The following CD8B variants were observed in gnomAD, a reference collection of about 807,000 sequenced individuals.
The protein encoded by CD8B is T-cell surface glycoprotein CD8 beta chain.
Under a neutral mutation model 24.2 loss-of-function variants are expected in CD8B, and 6 were observed. The ratio of observed to expected loss-of-function variants is 0.25; its 90% CI spans 0.14 to 0.49. The LOEUF (loss-of-function observed/expected upper bound fraction) is 0.49, where lower values mean the gene tolerates loss of function less well. CD8B is among the 20% of genes least tolerant of loss of function. The probability of loss-of-function intolerance (pLI) is 0.98; values close to 1 mark genes in which losing one functional copy is unlikely to be tolerated. For synonymous variants in CD8B, 84 were observed against 108.3 expected (o/e 0.78, Z 1.39); for missense variants, 196 against 271.3 (o/e 0.72, Z 1.95).
intron 2 of CD8B, among the ~76,000 whole-genome samples, chr2:86,855,731 G>T (rs562120794): frequency 6.6e-6 from 1 of 152,320 alleles, no homozygotes; most frequent in South Asian, 2.1e-4. Flanking sequence ...CATGGCCCTA[G>T]AAGTAGTTCT....
chr2:86,819,203 C>T (rs554808800), intron 5 of CD8B, among the ~76,000 whole-genome samples: 30 of 152,284 alleles, frequency 2.0e-4, no homozygotes, highest in African/African-American at 7.0e-4. Flanking sequence ...GAAGCAGGTG[C>T]TAATATAGAA....
intron 3 of CD8B, among the ~76,000 whole-genome samples, chr2:86,848,144 G>T (rs959133387): frequency 6.6e-6 from 1 of 152,102 alleles, no homozygotes; most frequent in African/African-American, 2.4e-5. Flanking sequence ...TACTGAGAAC[G>T]GGAACTACTA....
chr2:86,850,811 C>T (rs145698240), intron 3 of CD8B, among the ~76,000 whole-genome samples: 2 of 152,264 alleles, frequency 1.3e-5, no homozygotes, highest in East Asian at 3.9e-4. Context: ...ATGCAAGAGG[C>T]CAGGCGTAGT....
At chr2:86,848,708 A>ATTTATTTAT (rs1675815401) in intron 3 of CD8B, among the ~76,000 whole-genome samples, 1 of 78,876 alleles carries the variant, frequency 1.3e-5, no homozygotes, top group Non-Finnish European at 2.3e-5. Flanking sequence ...TAAATTATTT[A>ATTTATTTAT]TTTATTTATT....
At chr2:86,855,872 T>C (rs1297363930) in intron 2 of CD8B, among the ~76,000 whole-genome samples, 1 of 152,198 alleles carries the variant, frequency 6.6e-6, no homozygotes, top group African/African-American at 2.4e-5. Flanking sequence ...AGTGGGAGAC[T>C]CAGGTTGGGG....
At chr2:86,822,472 C>G in intron 5 of CD8B, 1 of 716,326 alleles carries the variant, frequency 1.4e-6, no homozygotes, top group Non-Finnish European at 2.4e-6. Context: ...ATAATGCATT[C>G]AATATAATTT....
At chr2:86,834,766 C>G (rs1318935993), downstream of CD8B, among the ~76,000 whole-genome samples, 1 of 152,016 alleles carries the variant, frequency 6.6e-6, no homozygotes, top group African/African-American at 2.4e-5. Context: ...GAAACCCCGT[C>G]TCTACTAAAA....
At position 86,858,106 on chromosome 2, in the gene CD8B, G is replaced by T. The variant is rs1473844682; in HGVS notation, c.354C>A (p.Ile118=). ...CGAAGGTCAGCTCGGGGCTCCCGAC[G>T]ATCATGCAGAAGTAGATGCCACTGT... ...PEDSGIYFCM[I]VGSPELTFGK... The change falls in exon 2 of 6, where the codon ATC becomes ATA. Residue 118 remains isoleucine, a synonymous_variant. Transcript: ENST00000390655. 6.2e-7 allele frequency: 1 copy of T among 1,613,852 alleles called. No homozygotes were observed. The highest frequency in any genetic ancestry group is 8.5e-7 in the Non-Finnish European group (1 of 1,179,858).
chr2:86,848,812 G>A (rs1284470034), intron 3 of CD8B, among the ~76,000 whole-genome samples: 2 of 151,500 alleles, frequency 1.3e-5, no homozygotes, highest in Non-Finnish European at 2.9e-5. Flanking sequence ...TGCCTCCTGG[G>A]TTCAAGCGAT....
chr2:86,852,839 C>T (rs1676041566), intron 3 of CD8B, among the ~76,000 whole-genome samples, 158 bp downstream of exon 3: 1 of 151,420 alleles, frequency 6.6e-6, no homozygotes, highest in Admixed American at 6.6e-5. Flanking sequence ...CTGTGAGTTG[C>T]TGGCACACTC....
chr2:86,840,709 T>C lies in CD8B; in HGVS notation c.*1598A>G, dbSNP rs1162740507. On this transcript the variant is annotated 3_prime_UTR_variant, in exon 6 of 6. Coordinates refer to ENST00000390655, the MANE Select transcript of CD8B (RefSeq NM_004931.5). The stretch of plus-strand genomic sequence containing the variant: ...TGCTGCTTTTATTCCTTTATTACTT[T>C]GTATGTTTTGTTCAGTTCTTTGTTC... Among the ~76,000 whole-genome samples the C allele has an allele frequency of 2.0e-5, 3 of 152,214 alleles. No individual in the cohort carries two copies. Among genetic ancestry groups the C allele is most frequent in the African/African-American group, 2.4e-5 (1 of 41,442 alleles).
chr2:86,829,366 A>G (rs1674820233), intron 5 of CD8B, among the ~76,000 whole-genome samples: 1 of 151,918 alleles, frequency 6.6e-6, no homozygotes, highest in Non-Finnish European at 1.5e-5. Context: ...CAGCCTCTCA[A>G]AGTGCTGGAA....
At chr2:86,829,095 C>CTTTTTTTCTT (rs1674805112) in intron 5 of CD8B, among the ~76,000 whole-genome samples, 1 of 82,992 alleles carries the variant, frequency 1.2e-5, no homozygotes. Context: ...ATGCTCTTTA[C>CTTTTTTTCTT]TTTTTTTTTT....
chr2:86,829,778 T>G (rs963435083), intron 5 of CD8B, among the ~76,000 whole-genome samples: 4 of 152,214 alleles, frequency 2.6e-5, no homozygotes, highest in African/African-American at 9.6e-5. Context: ...CTGCCTTCTT[T>G]TACCTGCAAC....
chr2:86,853,768 C>T (rs1474662624), intron 2 of CD8B, among the ~76,000 whole-genome samples: 10 of 152,056 alleles, frequency 6.6e-5, no homozygotes, highest in Admixed American at 2.0e-4. Context: ...GGCAGTGGCA[C>T]GATCTCGGCT....
chr2:86,842,438 G>A (rs1359740486), intron 5 of CD8B, 119 bp from the exon 6 acceptor site: 11 of 1,360,194 alleles, frequency 8.1e-6, no homozygotes, highest in African/African-American at 1.5e-5. Context: ...GCCTGGGGCC[G>A]AGAGTTTTTT....
intron 2 of CD8B, among the ~76,000 whole-genome samples, chr2:86,856,336 G>A (rs1374666490): frequency 6.6e-6 from 1 of 152,142 alleles, no homozygotes; most frequent in Non-Finnish European, 1.5e-5. Flanking sequence ...GTGGAAAGGT[G>A]TGGGGCTTAC....
intron 3 of CD8B, among the ~76,000 whole-genome samples, chr2:86,852,165 C>T (rs189768722): frequency 2.2e-3 from 341 of 152,200 alleles, no homozygotes; most frequent in African/African-American, 7.8e-3. Flanking sequence ...AGAGTTTCAC[C>T]GTGTTGCCCA....
intron 5 of CD8B, among the ~76,000 whole-genome samples, chr2:86,825,211 G>A (rs1674629477): frequency 6.6e-6 from 1 of 152,148 alleles, no homozygotes; most frequent in South Asian, 2.1e-4. Context: ...GTGCTGCTGG[G>A]GTTGGAGAGG....
Sources: allele counts gnomAD v4.1 joint callset (sites outside exome capture counted in the v4.1 genomes callset), GRCh38; gene constraint gnomAD v4.1.1; transcripts MANE v1.5; gene names NCBI Gene and HGNC (gene_info 2026-07-23, HGNC 2026-07-21).